The following INO80D variants were observed in gnomAD, a reference collection of about 807,000 sequenced individuals.
INO80D encodes INO80 complex subunit D.
Under a neutral mutation model 87.6 loss-of-function variants are expected in INO80D, and 21 were observed. The observed-to-expected ratio is 0.24, with a 90% CI of 0.17 to 0.35. INO80D has a LOEUF of 0.35. INO80D is among the 10% of genes least tolerant of loss of function. The probability of loss-of-function intolerance (pLI) is 1.00; values close to 1 mark genes in which losing one functional copy is unlikely to be tolerated. For synonymous variants in INO80D, 440 were observed against 491.0 expected, an observed-to-expected ratio of 0.90 and a Z score of 1.37; for missense variants, 982 against 1,280.7, an observed-to-expected ratio of 0.77 and a Z score of 3.56.
intron 1 of INO80D, among the ~76,000 whole-genome samples, chr2:206,079,117 G>C (rs1272059890): frequency 6.6e-6 from 1 of 151,796 alleles, no homozygotes; most frequent in African/African-American, 2.4e-5. Context: ...TTGCCACCCA[G>C]GCTGAAGTGC....
chr2:206,004,860 C>T lies in INO80D; in HGVS notation c.2592G>A (p.Met864Ile). The T allele has an allele frequency of 6.2e-7, 1 of 1,614,020 alleles. No individual in the cohort carries two copies. The highest frequency in any genetic ancestry group is 8.5e-7 in the Non-Finnish European group (1 of 1,179,886). ...DNMAATFSAEMPIMAQHLLPT... is the reference protein window; with the variant it reads ...DNMAATFSAEIPIMAQHLLPT... ...GGAGCAAGTGCTGCGCCATGATGGG[C>T]ATCTCTGCTGAAAAGGTAGCTGCCA... The change falls in exon 11 of 11, where the codon ATG becomes ATA. Residue 864 changes from methionine to isoleucine, a missense_variant. By Grantham distance (10) the Met-to-Ile change is conservative (BLOSUM62 1). Transcript: ENST00000403263. The surrounding 1 kb of genome is among the most constrained non-coding windows in gnomAD (Gnocchi z 4.9).
rs1039821901 is a variant in INO80D at position 205,997,587 on chromosome 2, T to C, written c.*6781A>G. ...TAGATCTGTGGTCCCATCACCACAA[T>C]AGATAAACACAGCTCATGTCTGGGG... On this transcript the variant is annotated 3_prime_UTR_variant, in exon 11 of 11. Coordinates refer to ENST00000403263, the MANE Select transcript of INO80D (RefSeq NM_017759.5). The C allele has an allele frequency of 2.6e-5, 4 of 152,170 alleles. No individual in the cohort carries two copies. The highest frequency in any genetic ancestry group is 2.1e-4 in the South Asian group (1 of 4,828). 9.4% of individuals were successfully genotyped at this position (152,170 alleles called of 1,614,324 possible). A position where few individuals can be genotyped will look rare whatever the true frequency, so the allele number is the denominator to read the frequency against.
In INO80D at chr2:206,001,701, T is replaced by A. The variant is rs1339675053; in HGVS notation, c.*2667A>T. On this transcript the variant is annotated 3_prime_UTR_variant, in exon 11 of 11. Transcript: ENST00000403263. ...CTCCTCTCTTCCAAAAAGGGACTCATAAGAAACAGCAAGAGCAAAGCAAAT... is the reference window on the plus strand; with the variant it reads ...CTCCTCTCTTCCAAAAAGGGACTCAAAAGAAACAGCAAGAGCAAAGCAAAT... 1 of 152,182 alleles carries A rather than the reference T, an allele frequency of 6.6e-6. No individual in the cohort carries two copies. Among genetic ancestry groups the A allele is most frequent in the Admixed American group, 6.6e-5 (1 of 15,266 alleles). The allele number at this position is 152,182 out of a possible 1,614,324, so 9.4% of individuals were successfully genotyped here. A position where few individuals can be genotyped will look rare whatever the true frequency, so the allele number is the denominator to read the frequency against.
At chr2:206,051,360 G>A (rs1169329870) in intron 4 of INO80D, among the ~76,000 whole-genome samples, 1 of 151,872 alleles carries the variant, frequency 6.6e-6, no homozygotes, top group Non-Finnish European at 1.5e-5. Flanking sequence ...GAGATTACAA[G>A]TTTGCAACTG....
intron 5 of INO80D, among the ~76,000 whole-genome samples, chr2:206,036,930 A>T (rs572877318): frequency 6.6e-6 from 1 of 152,316 alleles, no homozygotes; most frequent in South Asian, 2.1e-4. Context: ...TTGCAAGGAC[A>T]TAATTTAGAA....
In INO80D at chr2:206,004,730, C is replaced by T. The variant is rs1687977343; in HGVS notation, c.2722G>A (p.Gly908Ser). The change falls in exon 11 of 11, where the codon GGC becomes AGC. Residue 908 changes from glycine (G) to serine (S), a missense_variant. By Grantham distance (56) the Gly-to-Ser change is moderately conservative. Transcript: ENST00000403263. The surrounding 1 kb of genome is among the most constrained non-coding windows in gnomAD (Gnocchi z 4.9). ...GDPSPFSNLL[G>S]ADGHLLSTSL... ...GTGGAAAGAAGATGTCCATCTGCGC[C>T]GAGAAGGTTGCTAAATGGAGAGGGG... is the stretch of plus-strand genomic sequence containing the variant. 5 of 1,613,860 alleles carry T rather than the reference C, an allele frequency of 3.1e-6. No individual in the cohort carries two copies. The East Asian group carries it at 1.1e-4, about 36-fold the overall frequency.
intron 1 of INO80D, among the ~76,000 whole-genome samples, chr2:206,083,764 T>C (rs1475779564): frequency 1.3e-5 from 2 of 149,378 alleles, no homozygotes; most frequent in Admixed American, 6.8e-5. Flanking sequence ...CTGGGGGTAC[T>C]GAGTGGGCAG....
chr2:206,007,117 TA>T (rs1453312158), intron 10 of INO80D, among the ~76,000 whole-genome samples, 166 bp downstream of exon 10: 3 of 152,218 alleles, frequency 2.0e-5, no homozygotes, highest in Admixed American at 6.5e-5. Context: ...GCACATTCCT[TA>T]TCTTCTGAAA....
chr2:206,060,896 A>C (rs1204951961), intron 3 of INO80D, among the ~76,000 whole-genome samples: 1 of 151,990 alleles, frequency 6.6e-6, no homozygotes, highest in Non-Finnish European at 1.5e-5. Context: ...TCGAGATAGA[A>C]ACATGAAAGT....
At chr2:206,025,610 T>C (rs1234635458) in intron 6 of INO80D, 1 of 146,978 alleles carries the variant, frequency 6.8e-6, no homozygotes, top group African/African-American at 2.5e-5. Flanking sequence ...CCATATGCAG[T>C]GGTTTTACAA....
At position 206,028,223 on chromosome 2, in the gene INO80D, T is replaced by C. The variant is rs1378558239; in HGVS notation, c.1186A>G (p.Lys396Glu). 1 of 1,613,756 alleles carries C rather than the reference T, an allele frequency of 6.2e-7. No homozygotes were observed. The highest frequency in any genetic ancestry group is 8.5e-7 in the Non-Finnish European group (1 of 1,179,760). The stretch of plus-strand genomic sequence containing the variant: ...TTCCTAAACGTATGCCGGCATTTCT[T>C]TTGACGAGATTCTGCCCGCTCCAGG... ...CRLERAESRQ[K>E]KCRHTFRKAL... The change falls in exon 6 of 11, where the codon AAG (lysine) becomes GAG (glutamate). Residue 396 changes from lysine to glutamate, a missense_variant. Lys to Glu is a moderately conservative substitution (Grantham distance 56). Coordinates refer to ENST00000403263, the MANE Select transcript of INO80D (RefSeq NM_017759.5).
At position 206,003,622 on chromosome 2, in the gene INO80D, C is replaced by G. The variant is rs1687943815; in HGVS notation, c.*746G>C. Reference sequence around the variant, plus strand: ...TCACACGACCAGTCCACCACCCTCCCTATTCAGGAAACTTGAGGAAAAGAA... The same window carrying G: ...TCACACGACCAGTCCACCACCCTCCGTATTCAGGAAACTTGAGGAAAAGAA... On this transcript the variant is annotated 3_prime_UTR_variant, in exon 11 of 11. Coordinates refer to ENST00000403263, the MANE Select transcript of INO80D (RefSeq NM_017759.5). 1 of 152,284 alleles carries G rather than the reference C, an allele frequency of 6.6e-6. No individual in the cohort carries two copies. Among genetic ancestry groups the G allele is most frequent in the Non-Finnish European group, 1.5e-5 (1 of 68,158 alleles). 9.4% of individuals were successfully genotyped at this position (152,284 alleles called of 1,614,324 possible). A position where few individuals can be genotyped will look rare whatever the true frequency, so the allele number is the denominator to read the frequency against.
chr2:206,010,083 A>ACACACACACACACACG (rs142314785), intron 8 of INO80D, among the ~76,000 whole-genome samples: 3,424 of 151,212 alleles, frequency 0.023, 69 homozygotes, highest in East Asian at 0.12. Context: ...ACACACACAC[A>ACACACACACACACACG]CACGCACACA....
rs1575788646 is a variant in INO80D, at chr2:206,005,035, G to A, written c.2417C>T (p.Ala806Val). 6.2e-7 allele frequency: 1 copy of A among 1,613,866 alleles called. No individual in the cohort carries two copies. The highest frequency in any genetic ancestry group is 1.3e-5 in the African/African-American group (1 of 74,916). ...RPHPAQLLSK[A>V]DDLITSRQQY... ...CTGTCGTGAGGTGATTAGGTCATCTGCCTTGCTCAGCAGCTGGGCAGGATG... is the reference window on the plus strand; with the variant it reads ...CTGTCGTGAGGTGATTAGGTCATCTACCTTGCTCAGCAGCTGGGCAGGATG... The change falls in exon 11 of 11, where the codon GCA becomes GTA. Residue 806 changes from alanine (A) to valine (V), a missense_variant. Ala to Val is a moderately conservative substitution (Grantham distance 64). Transcript: ENST00000403263.
intron 3 of INO80D, 25 bp from the exon 4 acceptor site, chr2:206,056,968 A>G (rs1286638541): frequency 6.5e-7 from 1 of 1,536,904 alleles, no homozygotes; most frequent in East Asian, 2.3e-5. Context: ...CATACATGGG[A>G]AAACAGTCAT....
chr2:206,058,753 A>C (rs796378303), intron 3 of INO80D, among the ~76,000 whole-genome samples: 11 of 152,254 alleles, frequency 7.2e-5, no homozygotes, highest in African/African-American at 2.6e-4. Context: ...CAACAAAAAA[A>C]AACAGTACTC....
intron 9 of INO80D, chr2:206,007,872 T>C (rs564699400): frequency 6.6e-6 from 1 of 152,330 alleles, no homozygotes; most frequent in Non-Finnish European, 1.5e-5. Context: ...GTCTTTTAGG[T>C]TTTTTATTTA....
intron 1 of INO80D, among the ~76,000 whole-genome samples, chr2:206,075,039 C>CAAAAAAAAAAAAAAAAAAAA (rs56081344): frequency 2.8e-4 from 33 of 117,696 alleles, no homozygotes; most frequent in African/African-American, 9.0e-4. Flanking sequence ...AACTCCATCT[C>CAAAAAAAAAAAAAAAAAAAA]AAAAAAAAAA....
intron 1 of INO80D, among the ~76,000 whole-genome samples, chr2:206,070,104 A>G (rs1423812111): frequency 7.3e-5 from 11 of 151,490 alleles, no homozygotes; most frequent in Non-Finnish European, 1.3e-4. Context: ...GCGAAACCCT[A>G]TCTCTACAAA....
Sources: gnomAD v4.1 joint callset for allele counts (sites outside exome capture counted in the v4.1 genomes callset) on GRCh38, gnomAD v4.1.1 for gene constraint, Gnocchi (gnomAD v3.1) non-coding constraint, MANE v1.5 for transcripts, NCBI Gene and HGNC (gene_info 2026-07-23, HGNC 2026-07-21) for gene names.